Variants in GPHN observed in about 807,000 individuals in gnomAD.
GPHN encodes gephyrin.
A neutral mutation model predicts 95.5 loss-of-function variants in GPHN; 17 were observed. The ratio of observed to expected loss-of-function variants is 0.18; its 90% CI spans 0.12 to 0.27. The LOEUF (loss-of-function observed/expected upper bound fraction) is 0.27. Ranked by LOEUF, GPHN falls within the 10% of genes least tolerant of loss-of-function variation. The pLI, the probability that GPHN is intolerant of heterozygous loss-of-function variation, is 1.00. For missense variants in GPHN, 660 were observed against 978.1 expected, an observed-to-expected ratio of 0.67 and a Z score of 4.34; for synonymous variants, 320 against 322.5, an observed-to-expected ratio of 0.99 and a Z score of 0.08.
At chr14:67,691,569 C>A in the GPHN span, 1 of 222,626 alleles carries the variant, frequency 4.5e-6, no homozygotes, top group Non-Finnish European at 8.9e-6. Context: ...TGGAAAGATT[C>A]CAAAGCAAGA....
the GPHN span, among the ~76,000 whole-genome samples, chr14:67,280,839 C>CCTTT: frequency 7.4e-6 from 1 of 135,928 alleles, no homozygotes; most frequent in Admixed American, 7.6e-5. Flanking sequence ...TTCCTTCCTT[C>CCTTT]CTTCCTTCCT....
chr14:66,863,062 T>A, intron 4 of GPHN, among the ~76,000 whole-genome samples: 1 of 152,028 alleles, frequency 6.6e-6, no homozygotes, highest in East Asian at 1.9e-4. Flanking sequence ...GATATGATAT[T>A]ATATCTAGAA....
At chr14:66,579,956 GTA>G (rs1430188134) in intron 1 of GPHN, among the ~76,000 whole-genome samples, 2 of 151,706 alleles carry the variant, frequency 1.3e-5, no homozygotes, top group African/African-American at 4.8e-5. Flanking sequence ...ATTCTCCAGG[GTA>G]TACCACGTTA....
chr14:67,134,518 C>T (rs1010082061), intron 17 of GPHN, among the ~76,000 whole-genome samples: 2 of 152,176 alleles, frequency 1.3e-5, no homozygotes, highest in African/African-American at 4.8e-5. Flanking sequence ...AAACTATTTA[C>T]TCCCAAAGCT....
intron 8 of GPHN, among the ~76,000 whole-genome samples, chr14:66,957,643 G>T (rs2068617451): frequency 6.6e-6 from 1 of 152,092 alleles, no homozygotes; most frequent in Non-Finnish European, 1.5e-5. Flanking sequence ...TCAGAAAAAT[G>T]TGTATTCTGC....
the GPHN span, among the ~76,000 whole-genome samples, chr14:67,448,815 G>C: frequency 1.3e-5 from 2 of 152,246 alleles, no homozygotes; most frequent in South Asian, 4.1e-4. Context: ...ATGAGGAAAA[G>C]GCCTTAAGAA....
At chr14:66,691,389 T>C (rs1442231562) in intron 2 of GPHN, among the ~76,000 whole-genome samples, 1 of 151,876 alleles carries the variant, frequency 6.6e-6, no homozygotes, top group African/African-American at 2.4e-5. Flanking sequence ...TTCACCGTGA[T>C]GGCCAGGATG....
chr14:67,513,991 C>T, the GPHN span, among the ~76,000 whole-genome samples: 12 of 152,314 alleles, frequency 7.9e-5, no homozygotes, highest in East Asian at 2.1e-3. Flanking sequence ...CTTGATCCCT[C>T]TTCCTGGTAC....
intron 8 of GPHN, among the ~76,000 whole-genome samples, chr14:66,958,056 A>G (rs983580000): frequency 2.0e-5 from 3 of 152,286 alleles, no homozygotes; most frequent in South Asian, 2.1e-4. Context: ...CCGCTGTTCT[A>G]TTGTACTTGT....
the GPHN span, among the ~76,000 whole-genome samples, chr14:67,268,255 T>C: frequency 6.6e-6 from 1 of 152,200 alleles, no homozygotes; most frequent in Non-Finnish European, 1.5e-5. Flanking sequence ...GCCATTTTCT[T>C]GTTTGTAGTG....
chr14:67,280,142 T>C, the GPHN span, among the ~76,000 whole-genome samples: 8 of 152,226 alleles, frequency 5.3e-5, no homozygotes, highest in African/African-American at 1.9e-4. Context: ...CTAAATAAGT[T>C]AAATAGCTTC....
At chr14:67,161,389 T>C (rs1395023499) in intron 19 of GPHN, among the ~76,000 whole-genome samples, 1 of 151,964 alleles carries the variant, frequency 6.6e-6, no homozygotes, top group Non-Finnish European at 1.5e-5. Context: ...TTTTTTTTTC[T>C]GAGCCCATGG....
intron 3 of GPHN, among the ~76,000 whole-genome samples, chr14:66,780,039 A>T (rs1172808095): frequency 1.3e-5 from 2 of 152,216 alleles, no homozygotes; most frequent in Non-Finnish European, 2.9e-5. Flanking sequence ...TATTTCAGAA[A>T]GTAAAATCAG....
intron 10 of GPHN, among the ~76,000 whole-genome samples, chr14:67,051,984 C>A (rs1196016034): frequency 1.3e-5 from 2 of 152,172 alleles, no homozygotes; most frequent in African/African-American, 2.4e-5. Flanking sequence ...AAAGAAAAAA[C>A]CAATACCTGC....
chr14:66,985,623 A>C (rs2070974624), intron 9 of GPHN: 2 of 1,150,540 alleles, frequency 1.7e-6, no homozygotes, highest in Non-Finnish European at 2.5e-6. Context: ...TGTATAGAAA[A>C]ATTTTTAAGT....
chr14:67,057,093 G>A (rs1330743781), intron 10 of GPHN, among the ~76,000 whole-genome samples: 1 of 152,098 alleles, frequency 6.6e-6, no homozygotes, highest in Admixed American at 6.5e-5. Flanking sequence ...AGAGGGAGCC[G>A]GCTCTGGCCT....
rs1367381749 is a variant in GPHN at position 67,128,921 on chromosome 14, TCTCCTGCCTCAGC to T, written c.1748+6549_1748+6561del. On this transcript the variant is annotated intron_variant, in intron 17 of 22. Transcript: ENST00000478722. ...CTTCTACCTCATGGGTTCAAGCGAT[TCTCCTGCCTCAGC>T]CTCCCAAGTAGCTGGGATTACAGGC... Among the ~76,000 whole-genome samples, 6 of 151,700 alleles carry T rather than the reference TCTCCTGCCTCAGC, an allele frequency of 4.0e-5. No individual in the cohort carries two copies. The East Asian group carries it at 1.2e-3, about 29-fold the overall frequency.
At chr14:67,356,696 A>G in the GPHN span, among the ~76,000 whole-genome samples, 1 of 152,170 alleles carries the variant, frequency 6.6e-6, no homozygotes, top group African/African-American at 2.4e-5. Flanking sequence ...TAAGGCTCCA[A>G]CCTACGTTCA....
chr14:66,862,462 G>A (rs1475821119), intron 4 of GPHN, among the ~76,000 whole-genome samples: 1 of 152,012 alleles, frequency 6.6e-6, no homozygotes, highest in Non-Finnish European at 1.5e-5. Context: ...AAGGAGGAGG[G>A]AATACTTCCA....
Sources: allele counts gnomAD v4.1 joint callset (sites outside exome capture counted in the v4.1 genomes callset), GRCh38; gene constraint gnomAD v4.1.1; transcripts MANE v1.5; gene names NCBI Gene and HGNC (gene_info 2026-07-23, HGNC 2026-07-21).